The following TBC1D1 variants were observed in gnomAD, a reference collection of about 807,000 sequenced individuals.
TBC1D1 encodes the protein TBC1 domain family member 1, also known as TBC1 (tre-2/USP6, BUB2, cdc16) domain family, member 1.
A neutral mutation model predicts 125.6 loss-of-function variants in TBC1D1; 89 were observed. The observed-to-expected ratio is 0.71, with a 90% CI of 0.60 to 0.85. The LOEUF (loss-of-function observed/expected upper bound fraction) is 0.85. TBC1D1 is among the 40% of genes least tolerant of loss of function. The pLI, the probability that TBC1D1 is intolerant of heterozygous loss-of-function variation, is 0.00. For synonymous variants in TBC1D1, 565 were observed against 564.1 expected (o/e 1.00, Z -0.02); for missense variants, 1,377 against 1,469.2 (o/e 0.94, Z 1.03).
chr4:37,967,755 C>T (rs572474810), intron 2 of TBC1D1, among the ~76,000 whole-genome samples: 2 of 152,264 alleles, frequency 1.3e-5, no homozygotes, highest in East Asian at 3.9e-4. Flanking sequence ...AAAATTAGTG[C>T]TCTGTCGAGT....
At chr4:38,009,782 C>G (rs982107422) in intron 2 of TBC1D1, among the ~76,000 whole-genome samples, 3 of 152,102 alleles carry the variant, frequency 2.0e-5, no homozygotes, top group African/African-American at 7.2e-5. Flanking sequence ...AGTATAAACT[C>G]AAATAGGTTG....
At chr4:38,115,235 G>T (rs1479747245) in intron 15 of TBC1D1, among the ~76,000 whole-genome samples, 1 of 151,814 alleles carries the variant, frequency 6.6e-6, no homozygotes, top group Non-Finnish European at 1.5e-5. Context: ...CGAGTAGCTG[G>T]GATTACAGGC....
chr4:37,972,206 G>A (rs967697556), intron 2 of TBC1D1, among the ~76,000 whole-genome samples: 6 of 142,298 alleles, frequency 4.2e-5, no homozygotes, highest in Non-Finnish European at 7.6e-5. Flanking sequence ...TGCCTGGCTG[G>A]GTGCGGTGGT....
Position 38,027,793 on chromosome 4 carries a change from A to G in TBC1D1, c.1216A>G (p.Asn406Asp). 6.2e-7 allele frequency: 1 copy of G among 1,609,378 alleles called. No homozygotes were observed. Among genetic ancestry groups the G allele is most frequent in the Non-Finnish European group, 8.5e-7 (1 of 1,178,242 alleles). Residue 406 changes from asparagine to aspartate, a missense_variant, in exon 7 of 20, where the codon AAT becomes GAT. Asn to Asp is a conservative substitution (Grantham distance 23). Transcript: ENST00000261439. ...TCTCTTTTTTCTCTTAATAGGAATG[A>G]ATTCTTCCAAAACAAAACTAGAACT...
At chr4:37,925,056 C>G (rs556639730) in intron 2 of TBC1D1, among the ~76,000 whole-genome samples, 1 of 152,340 alleles carries the variant, frequency 6.6e-6, no homozygotes, top group South Asian at 2.1e-4. Flanking sequence ...GTGCTATGCT[C>G]TTGCTGCTGC....
chr4:38,080,913 T>C lies in TBC1D1; in HGVS notation c.2051-9019T>C, dbSNP rs138787004. 2.1e-3 allele frequency among the ~76,000 whole-genome samples: 327 copies of C among 152,328 alleles called. 3 individuals are homozygous for C. In the East Asian group the frequency reaches 0.024, roughly 11 times the overall value. ...GGGGAGGGATAAACACCTTATGATA[T>C]GTTTCTTATAAGGTTTTATATGTAG... On this transcript the variant is annotated intron_variant, in intron 12 of 19. Coordinates refer to ENST00000261439, the MANE Select transcript of TBC1D1 (RefSeq NM_015173.4).
chr4:38,137,326 G>A lies in TBC1D1; in HGVS notation c.3498G>A (p.Thr1166=), dbSNP rs747382739. The change falls in exon 20 of 20, where the codon ACG becomes ACA. Residue 1166 remains threonine (T), a synonymous_variant. Coordinates refer to ENST00000261439, the MANE Select transcript of TBC1D1 (RefSeq NM_015173.4). ...CTGAGTGCACGCAGCCCGAGCCCACGGGCGACTGACAGCTCTGCAGGAGAG... is the reference window on the plus strand; with the variant it reads ...CTGAGTGCACGCAGCCCGAGCCCACAGGCGACTGACAGCTCTGCAGGAGAG... 71 of 1,610,152 alleles carry A rather than the reference G, an allele frequency of 4.4e-5. No homozygotes were observed. The highest frequency in any genetic ancestry group is 3.7e-4 in the South Asian group (34 of 90,866).
Position 38,021,654 on chromosome 4 carries a change from G to T in TBC1D1, c.1146G>T (p.Ala382=), listed in dbSNP as rs762435481. ...CCGCAGTGCAGCAGACAGCTAAGGC[G>T]CCAGCCCAGCTGTGTGAGGGCTGCC... is the stretch of plus-strand genomic sequence containing the variant. The change falls in exon 6 of 20, where the codon GCG becomes GCT. Residue 382 remains alanine, a synonymous_variant. Coordinates refer to ENST00000261439, the MANE Select transcript of TBC1D1 (RefSeq NM_015173.4). 2 of 1,596,692 alleles carry T rather than the reference G, an allele frequency of 1.3e-6. No homozygotes were observed. The highest frequency in any genetic ancestry group is 1.7e-6 in the Non-Finnish European group (2 of 1,172,048).
At chr4:37,905,651 A>G (rs1179390002) in intron 2 of TBC1D1, among the ~76,000 whole-genome samples, 1 of 152,230 alleles carries the variant, frequency 6.6e-6, no homozygotes, top group African/African-American at 2.4e-5. Context: ...TGATAAACAG[A>G]TGTTATCATT....
At chr4:38,043,231 A>G (rs569255434) in intron 8 of TBC1D1, among the ~76,000 whole-genome samples, 1 of 152,142 alleles carries the variant, frequency 6.6e-6, no homozygotes, top group African/African-American at 2.4e-5. Flanking sequence ...TTATTTTCTA[A>G]CAGAAAGCAA....
At chr4:37,903,307 T>G (rs994402663) in intron 2 of TBC1D1, among the ~76,000 whole-genome samples, 1 of 152,234 alleles carries the variant, frequency 6.6e-6, no homozygotes, top group African/African-American at 2.4e-5. Flanking sequence ...CAGGACTCAT[T>G]TGAAGATGCT....
chr4:37,995,017 G>A lies in TBC1D1; in HGVS notation c.418-19492G>A, dbSNP rs1206421500. ...TTGATGTTGGCATTTTTTTGGTTTT[G>A]TTTTGTGGGTATTTTTTTATTTTTG... On this transcript the variant is annotated intron_variant, in intron 2 of 19. Transcript: ENST00000261439. This position sits in a 1 kb window ranked among gnomAD's most constrained non-coding sequence, Gnocchi z 4.3. 6.6e-6 allele frequency among the ~76,000 whole-genome samples: 1 copy of A among 152,080 alleles called. No individual in the cohort carries two copies. Among genetic ancestry groups the A allele is most frequent in the East Asian group, 1.9e-4 (1 of 5,184 alleles).
At chr4:38,085,148 G>A (rs2152531490) in intron 12 of TBC1D1, among the ~76,000 whole-genome samples, 1 of 152,294 alleles carries the variant, frequency 6.6e-6, no homozygotes, top group Non-Finnish European at 1.5e-5. Context: ...CAGAGTTGTT[G>A]GGGAATAATT....
intron 2 of TBC1D1, among the ~76,000 whole-genome samples, chr4:37,973,174 C>T (rs1261792244): frequency 6.6e-6 from 1 of 152,160 alleles, no homozygotes; most frequent in Non-Finnish European, 1.5e-5. Context: ...CTGCCTACTC[C>T]TGGATTAGGA....
intron 2 of TBC1D1, chr4:37,960,598 C>A (rs1560534262): frequency 6.2e-7 from 1 of 1,614,172 alleles, no homozygotes; most frequent in Admixed American, 1.7e-5. Context: ...GCTCCATCAG[C>A]CTTACCTAAA....
chr4:37,966,679 C>T (rs1043321283), intron 2 of TBC1D1, among the ~76,000 whole-genome samples: 20 of 152,028 alleles, frequency 1.3e-4, no homozygotes, highest in African/African-American at 4.3e-4. Context: ...ATGTACGAAA[C>T]GTGCAGGTTT....
At chr4:37,950,657 A>G (rs1220736092) in intron 2 of TBC1D1, among the ~76,000 whole-genome samples, 2 of 149,418 alleles carry the variant, frequency 1.3e-5, no homozygotes. Context: ...ATGAACCAAC[A>G]TTGACACATT....
intron 2 of TBC1D1, among the ~76,000 whole-genome samples, chr4:37,991,698 G>A (rs894501608): frequency 2.0e-5 from 3 of 151,522 alleles, no homozygotes; most frequent in African/African-American, 4.9e-5. Context: ...TACACTGGAC[G>A]ATTTTATCCC....
At chr4:37,969,411 C>T (rs937690287) in intron 2 of TBC1D1, among the ~76,000 whole-genome samples, 7 of 152,206 alleles carry the variant, frequency 4.6e-5, no homozygotes, top group Admixed American at 2.6e-4. Flanking sequence ...GGCACAATCT[C>T]GGCTCATGGC....
Sources: gnomAD v4.1 joint callset for allele counts (sites outside exome capture counted in the v4.1 genomes callset) on GRCh38, gnomAD v4.1.1 for gene constraint, Gnocchi (gnomAD v3.1) non-coding constraint, MANE v1.5 for transcripts, NCBI Gene and HGNC (gene_info 2026-07-23, HGNC 2026-07-21) for gene names.